Variants in ZNF124 observed in about 807,000 individuals in gnomAD.
The protein encoded by ZNF124 is zinc finger protein 124.
ZNF124 carries 25 observed loss-of-function variants against 26.6 expected under a neutral mutation model. That is an observed-to-expected ratio of 0.94 (90% CI 0.68 to 1.31). The LOEUF is 1.31. Among genes scored for constraint, ZNF124 ranks in the 40% most tolerant of loss-of-function variants. The probability of loss-of-function intolerance (pLI) is 0.00; values close to 1 mark genes in which losing one functional copy is unlikely to be tolerated. For synonymous variants in ZNF124, 129 were observed against 133.3 expected, an observed-to-expected ratio of 0.97 and a Z score of 0.22; for missense variants, 444 against 422.2, an observed-to-expected ratio of 1.05 and a Z score of -0.45.
At chr1:247,159,432 G>A (rs1390297592) in intron 2 of ZNF124, among the ~76,000 whole-genome samples, 3 of 152,164 alleles carry the variant, frequency 2.0e-5, no homozygotes, top group Non-Finnish European at 4.4e-5. Flanking sequence ...GTCCTTACCA[G>A]ATGCAACCTT....
intron 3 of ZNF124, among the ~76,000 whole-genome samples, chr1:247,142,962 C>T (rs1672666087): frequency 6.7e-6 from 1 of 150,268 alleles, no homozygotes; most frequent in Admixed American, 6.6e-5. Context: ...TTGTTTTGTT[C>T]TTTGCTCTAT....
chr1:247,143,941 T>A (rs1473902478), intron 3 of ZNF124, among the ~76,000 whole-genome samples: 1 of 145,864 alleles, frequency 6.9e-6, no homozygotes, highest in East Asian at 1.9e-4. Flanking sequence ...GCATGCATGC[T>A]CAATAAAACT....
chr1:247,156,370 G>GT lies in ZNF124; in HGVS notation c.*195dup. The GT allele has an allele frequency of 4.0e-6, 5 of 1,251,258 alleles. No individual in the cohort carries two copies. Among genetic ancestry groups the GT allele is most frequent in the Non-Finnish European group, 5.0e-6 (5 of 998,734 alleles). The allele number at this position is 1,251,258 out of a possible 1,614,324, so 77.5% of individuals were successfully genotyped here. ...GATTTTCTTCAGTGAGTCCTTTCAA[G>GT]TTTTCAAAAAGAAATGGAAAAATTG... On this transcript the variant is annotated 3_prime_UTR_variant, in exon 4 of 4. Transcript: ENST00000543802.
intron 3 of ZNF124, among the ~76,000 whole-genome samples, chr1:247,149,531 G>A (rs1371516593): frequency 2.0e-5 from 3 of 152,216 alleles, no homozygotes; most frequent in Non-Finnish European, 4.4e-5. Context: ...AAAGAATAAA[G>A]TCATTTGTGA....
rs978520495 is a variant in ZNF124 at position 247,156,288 on chromosome 1, A to G, written c.*278T>C. On this transcript the variant is annotated 3_prime_UTR_variant, in exon 4 of 4. Coordinates refer to ENST00000543802, the MANE Select transcript of ZNF124 (RefSeq NM_001297568.2). ...TTTTCTCTAGAATGAGTTATGTTAT[A>G]CCATCAAATACCACTGGAACAACTG... 1.8e-6 allele frequency: 2 copies of G among 1,132,448 alleles called. No individual in the cohort carries two copies. Among genetic ancestry groups the G allele is most frequent in the East Asian group, 4.8e-5 (1 of 20,970 alleles). 70.1% of individuals were successfully genotyped at this position (1,132,448 alleles called of 1,614,324 possible). A position where few individuals can be genotyped will look rare whatever the true frequency, so the allele number is the denominator to read the frequency against.
At chr1:247,152,634 G>A (rs555743569), downstream of ZNF124, among the ~76,000 whole-genome samples, 1 of 152,182 alleles carries the variant, frequency 6.6e-6, no homozygotes, top group South Asian at 2.1e-4. Context: ...CATTCTTAAT[G>A]TGCAATTTTT....
At chr1:247,123,630 G>A in exon 4 of ZNF124, 1 of 472,372 alleles carries the variant, frequency 2.1e-6, no homozygotes. Context: ...ATTCTCTGGA[G>A]GCAGTTGTTC....
rs201400064 is a variant in ZNF124 at position 247,170,696 on chromosome 1, A to G, written c.30+1152T>C. On this transcript the variant is annotated intron_variant, in intron 1 of 3. Transcript: ENST00000543802. ...AGGGCTTACAACTCTAAGGGGGTCCACGTGAGAGGGTCGTGATCGATTGAC... is the reference window on the plus strand; with the variant it reads ...AGGGCTTACAACTCTAAGGGGGTCCGCGTGAGAGGGTCGTGATCGATTGAC... Among the ~76,000 whole-genome samples, 1,202 of 142,470 alleles carry G rather than the reference A, an allele frequency of 8.4e-3. 56 individuals are homozygous for G. The highest frequency in any genetic ancestry group is 8.2e-3 in the Non-Finnish European group (551 of 66,846). The allele number at this position is 142,470 out of a possible 152,430, so 93.5% of individuals were successfully genotyped here. A position where few individuals can be genotyped will look rare whatever the true frequency, so the allele number is the denominator to read the frequency against.
rs978772280 is a variant in ZNF124 at position 247,156,163 on chromosome 1, T to G, written c.*403A>C. 2.0e-6 allele frequency: 2 copies of G among 991,092 alleles called. No individual in the cohort carries two copies. The highest frequency in any genetic ancestry group is 1.7e-5 in the African/African-American group (1 of 57,514). 61.4% of individuals were successfully genotyped at this position (991,092 alleles called of 1,614,324 possible). On this transcript the variant is annotated 3_prime_UTR_variant, in exon 4 of 4. Transcript: ENST00000543802. ...TAGGATTTCAATCTGGTGGGCATTC[T>G]TTTATTTATAAGGTCAATCTGGAGT...
rs1417442582 is a variant in ZNF124, at chr1:247,155,349, A to G, written c.*1217T>C. Among the ~76,000 whole-genome samples, 1 of 152,010 alleles carries G rather than the reference A, an allele frequency of 6.6e-6. No individual in the cohort carries two copies. The highest frequency in any genetic ancestry group is 1.5e-5 in the Non-Finnish European group (1 of 68,004). On this transcript the variant is annotated 3_prime_UTR_variant, in exon 4 of 4. Coordinates refer to ENST00000543802, the MANE Select transcript of ZNF124 (RefSeq NM_001297568.2). ...ATTTCACACATCTACTGTGTAACCC[A>G]CAAAATTTTTAAAAAATTTTAAAAA...
At chr1:247,150,914 G>A (rs1672915539), downstream of ZNF124, among the ~76,000 whole-genome samples, 1 of 151,570 alleles carries the variant, frequency 6.6e-6, no homozygotes, top group Non-Finnish European at 1.5e-5. Flanking sequence ...TTAAAATTAA[G>A]AGCTTATTAA....
At chr1:247,128,179 C>A (rs140038818) in intron 3 of ZNF124, among the ~76,000 whole-genome samples, 3,850 of 152,160 alleles carry the variant, frequency 0.025, 169 homozygotes, top group African/African-American at 0.088. Flanking sequence ...CATGTTTTCA[C>A]TGAGCAGTGA....
At position 247,155,876 on chromosome 1, in the gene ZNF124, A is replaced by AAAT; in HGVS notation, c.*689_*690insATT. 1 of 788,888 alleles carries AAAT rather than the reference A, an allele frequency of 1.3e-6. No individual in the cohort carries two copies. The highest frequency in any genetic ancestry group is 1.5e-6 in the Non-Finnish European group (1 of 652,892). The allele number at this position is 788,888 out of a possible 1,614,324, so 48.9% of individuals were successfully genotyped here. A position where few individuals can be genotyped will look rare whatever the true frequency, so the allele number is the denominator to read the frequency against. ...ACTCCATCTCAAAAAAAAAAAAAAA[A>AAAT]GTCTCACCTCAATTTTTTTTTTTTC... On this transcript the variant is annotated 3_prime_UTR_variant, in exon 4 of 4. Coordinates refer to ENST00000543802, the MANE Select transcript of ZNF124 (RefSeq NM_001297568.2).
intron 3 of ZNF124, among the ~76,000 whole-genome samples, chr1:247,130,667 T>C (rs2103099702): frequency 6.6e-6 from 1 of 152,382 alleles, no homozygotes; most frequent in Middle Eastern, 3.4e-3. Flanking sequence ...TACTTCTGCT[T>C]TCCCTGTTGA....
At chr1:247,144,540 T>G (rs953208261) in intron 3 of ZNF124, among the ~76,000 whole-genome samples, 1 of 151,948 alleles carries the variant, frequency 6.6e-6, no homozygotes, top group African/African-American at 2.4e-5. Context: ...GACTGAGGGC[T>G]GCGTAGCTTT....
chr1:247,167,161 C>T (rs76421889), intron 1 of ZNF124, among the ~76,000 whole-genome samples: 1 of 152,210 alleles, frequency 6.6e-6, no homozygotes, highest in Non-Finnish European at 1.5e-5. Flanking sequence ...ACTAACATCA[C>T]CATCAATGCT....
In ZNF124 at chr1:247,157,256, A is replaced by G. The variant is rs1025924470; in HGVS notation, c.366T>C (p.Tyr122=). Residue 122 remains tyrosine, a synonymous_variant, in exon 4 of 4, where the codon TAT becomes TAC. Coordinates refer to ENST00000543802, the MANE Select transcript of ZNF124 (RefSeq NM_001297568.2). ...DTVMHTGNGH[Y]GCTICEKVFN... Reference sequence around the variant, plus strand: ...AAACTTTCTCACATATTGTACAACCATAATGTCCATTTCCAGTGTGCATTA... The same window carrying G: ...AAACTTTCTCACATATTGTACAACCGTAATGTCCATTTCCAGTGTGCATTA... 6.2e-7 allele frequency: 1 copy of G among 1,613,688 alleles called. No homozygotes were observed. Among genetic ancestry groups the G allele is most frequent in the Non-Finnish European group, 8.5e-7 (1 of 1,179,692 alleles).
Position 247,156,644 on chromosome 1 carries a change from G to C in ZNF124, c.978C>G (p.Ala326=), listed in dbSNP as rs61730882. The change falls in exon 4 of 4, where the codon GCC becomes GCG. Residue 326 remains alanine, a synonymous_variant. Coordinates refer to ENST00000543802, the MANE Select transcript of ZNF124 (RefSeq NM_001297568.2). ...KPYECQKCGK[A]FSRASTLWKH... ...TCCAAAGGGTACTAGCACGACTAAA[G>C]GCTTTGCCACATTTCTGACATTCAT... 3.6e-4 allele frequency: 573 copies of C among 1,609,540 alleles called. No homozygotes were observed. The African/African-American group carries it at 6.9e-3, about 19-fold the overall frequency.
rs528548611 is a variant in ZNF124, at chr1:247,134,303, G to T, written c.219-10432C>A. Among the ~76,000 whole-genome samples the T allele has an allele frequency of 1.8e-4, 28 of 152,270 alleles. 2 individuals are homozygous for T. The South Asian group carries it at 5.4e-3, about 29-fold the overall frequency. ...CTAAAAGCCCCAATTAAAAGACTTG[G>T]ACTGGCAAATTGGATAACGAGTCAA... On this transcript the variant is annotated intron_variant, in intron 3 of 3. Transcript: ENST00000472531.
Sources: allele counts gnomAD v4.1 joint callset (sites outside exome capture counted in the v4.1 genomes callset), GRCh38; gene constraint gnomAD v4.1.1; transcripts MANE v1.5; gene names NCBI Gene and HGNC (gene_info 2026-07-23, HGNC 2026-07-21).